ELMOD1: variants seen among roughly 807,000 people sequenced by gnomAD.
ELMOD1 encodes ELMO domain-containing protein 1.
In ELMOD1, 21 loss-of-function variants were observed where a neutral mutation model predicts 46.7. That is an observed-to-expected ratio of 0.45 (90% CI 0.32 to 0.65). ELMOD1 has a LOEUF of 0.65. Among genes scored for constraint, ELMOD1 ranks in the 30% least tolerant of loss-of-function variants. The pLI, the probability that ELMOD1 is intolerant of heterozygous loss-of-function variation, is 0.04. For synonymous variants in ELMOD1, 122 were observed against 138.2 expected (o/e 0.88, Z 0.82); for missense variants, 348 against 407.8 (o/e 0.85, Z 1.26).
chr11:107,649,196 A>G (rs962475410), intron 7 of ELMOD1, among the ~76,000 whole-genome samples: 3 of 152,218 alleles, frequency 2.0e-5, no homozygotes, highest in African/African-American at 7.2e-5. Flanking sequence ...TTGGCCTTCC[A>G]TTGAGAAAAA....
intron 6 of ELMOD1, among the ~76,000 whole-genome samples, chr11:107,640,798 T>A (rs1866307888): frequency 6.6e-6 from 1 of 152,204 alleles, no homozygotes; most frequent in Non-Finnish European, 1.5e-5. Context: ...TTCAATAGAT[T>A]ATAAAATTAT....
At chr11:107,603,469 G>T (rs1157820986) in intron 1 of ELMOD1, among the ~76,000 whole-genome samples, 2 of 152,214 alleles carry the variant, frequency 1.3e-5, no homozygotes, top group African/African-American at 2.4e-5. Flanking sequence ...AACCCAGGCG[G>T]TGGAGGTTGC....
At chr11:107,626,231 G>A (rs1866038338) in intron 2 of ELMOD1, among the ~76,000 whole-genome samples, 1 of 152,044 alleles carries the variant, frequency 6.6e-6, no homozygotes, top group Non-Finnish European at 1.5e-5. Flanking sequence ...GAAAGGAGCA[G>A]AGCCATAAAC....
chr11:107,610,380 AT>A (rs1057220656), intron 1 of ELMOD1, among the ~76,000 whole-genome samples: 5 of 152,278 alleles, frequency 3.3e-5, no homozygotes, highest in Non-Finnish European at 5.9e-5. Context: ...TAAAACGTCA[AT>A]ATCTGGGCCA....
chr11:107,619,839 A>G (rs1193197291), intron 2 of ELMOD1, among the ~76,000 whole-genome samples: 1 of 152,202 alleles, frequency 6.6e-6, no homozygotes, highest in East Asian at 1.9e-4. Flanking sequence ...ATGTGTTCTG[A>G]TAAACATTTT....
intron 1 of ELMOD1, among the ~76,000 whole-genome samples, chr11:107,597,955 A>T (rs1939897): frequency 0.076 from 11,533 of 152,250 alleles, 881 homozygotes; most frequent in African/African-American, 0.2. Flanking sequence ...ATCAAATTAG[A>T]CAACGATGGA....
At chr11:107,654,429 G>C (rs1169742616) in intron 10 of ELMOD1, among the ~76,000 whole-genome samples, 1 of 152,194 alleles carries the variant, frequency 6.6e-6, no homozygotes, top group Admixed American at 6.5e-5. Context: ...CAACTGACAA[G>C]GTAGAAAGTT....
intron 11 of ELMOD1, among the ~76,000 whole-genome samples, chr11:107,660,236 C>T (rs1260178109): frequency 1.3e-5 from 2 of 152,158 alleles, no homozygotes; most frequent in Non-Finnish European, 2.9e-5. Context: ...ATTCAAGCAG[C>T]AACAAATATG....
intron 6 of ELMOD1, among the ~76,000 whole-genome samples, chr11:107,642,377 A>T (rs1866340225): frequency 6.8e-6 from 1 of 147,604 alleles, no homozygotes; most frequent in African/African-American, 2.5e-5. Flanking sequence ...TTATTTACTT[A>T]TTTATTTTTG....
chr11:107,633,518 C>T (rs1258396363), intron 5 of ELMOD1, among the ~76,000 whole-genome samples: 3 of 152,112 alleles, frequency 2.0e-5, no homozygotes, highest in Non-Finnish European at 4.4e-5. Context: ...CTGCAACCTC[C>T]ACCTCCCGGG....
intron 2 of ELMOD1, chr11:107,625,301 A>C: frequency 1.5e-6 from 1 of 682,390 alleles, no homozygotes. Flanking sequence ...TTAGATGAAA[A>C]GTATTTCATT....
chr11:107,596,072 A>T (rs1393540750), intron 1 of ELMOD1, among the ~76,000 whole-genome samples: 1 of 152,106 alleles, frequency 6.6e-6, no homozygotes, highest in Non-Finnish European at 1.5e-5. Context: ...TAGATTCAAA[A>T]GTCTTTACAT....
chr11:107,614,917 C>T (rs545682847), intron 1 of ELMOD1, among the ~76,000 whole-genome samples: 1 of 152,264 alleles, frequency 6.6e-6, no homozygotes, highest in East Asian at 1.9e-4. Context: ...GAACCCCCAA[C>T]CCCTACATCT....
At chr11:107,599,289 C>T (rs936807313) in intron 1 of ELMOD1, among the ~76,000 whole-genome samples, 3 of 152,096 alleles carry the variant, frequency 2.0e-5, no homozygotes, top group African/African-American at 7.2e-5. Flanking sequence ...TTCATTTTAA[C>T]ATTTATGAAA....
chr11:107,621,586 A>C (rs1410787902), intron 2 of ELMOD1, among the ~76,000 whole-genome samples: 1 of 88,580 alleles, frequency 1.1e-5, no homozygotes, highest in Non-Finnish European at 3.0e-5. Context: ...AAAGGAGGAC[A>C]AGGAGGCTTA....
intron 6 of ELMOD1, among the ~76,000 whole-genome samples, chr11:107,645,229 G>A (rs1008886894): frequency 1.3e-5 from 2 of 151,786 alleles, no homozygotes; most frequent in African/African-American, 4.8e-5. Context: ...GAGCCACCGT[G>A]CCCGGCCCTC....
At chr11:107,606,194 C>T (rs1404141196) in intron 1 of ELMOD1, among the ~76,000 whole-genome samples, 4 of 152,142 alleles carry the variant, frequency 2.6e-5, no homozygotes, top group East Asian at 1.9e-4. Flanking sequence ...TAGGCTCTAA[C>T]GACATATGAA....
intron 11 of ELMOD1, among the ~76,000 whole-genome samples, chr11:107,656,646 T>G (rs1866639095): frequency 6.6e-6 from 1 of 152,016 alleles, no homozygotes. Context: ...ACTTATATTT[T>G]CAGGCATGGT....
intron 2 of ELMOD1, among the ~76,000 whole-genome samples, chr11:107,624,542 A>G (rs574722947): frequency 2.0e-5 from 3 of 152,238 alleles, no homozygotes; most frequent in African/African-American, 4.8e-5. Context: ...TCCCAGCTAC[A>G]GGGGAGGCTG....
Sources: allele counts gnomAD v4.1 joint callset (sites outside exome capture counted in the v4.1 genomes callset), GRCh38; gene constraint gnomAD v4.1.1; transcripts MANE v1.5; gene names NCBI Gene and HGNC (gene_info 2026-07-23, HGNC 2026-07-21).